The following CLEC10A variants were observed in gnomAD, a reference collection of about 807,000 sequenced individuals.
CLEC10A encodes C-type lectin domain containing 10A.
Under a neutral mutation model 42.0 loss-of-function variants are expected in CLEC10A, and 38 were observed. The observed-to-expected ratio is 0.90, with a 90% CI of 0.70 to 1.18. CLEC10A has a LOEUF of 1.18. Among genes scored for constraint, CLEC10A ranks in the 50% most tolerant of loss-of-function variants. The pLI is 0.00. For synonymous variants in CLEC10A, 126 were observed against 139.9 expected, an observed-to-expected ratio of 0.90 and a Z score of 0.70; for missense variants, 298 against 345.9, an observed-to-expected ratio of 0.86 and a Z score of 1.10.
At position 7,078,054 on chromosome 17, in the gene CLEC10A, G is replaced by A. The variant is rs759265520; in HGVS notation, c.127C>T (p.Leu43=). 6.2e-7 allele frequency: 1 copy of A among 1,614,040 alleles called. No homozygotes were observed. Among genetic ancestry groups the A allele is most frequent in the Admixed American group, 1.7e-5 (1 of 60,026 alleles). ...RLCSGPCHLL[L]SLGLGLLLLV... ...AGCAGGAGGCCGAGGCCCAGGGACAGCAGGAGATGGCAGGGCCCAGAGCAG... is the reference window on the plus strand; with the variant it reads ...AGCAGGAGGCCGAGGCCCAGGGACAACAGGAGATGGCAGGGCCCAGAGCAG... Residue 43 remains leucine (L), a synonymous_variant, in exon 3 of 9, where the codon CTG becomes TTG. Coordinates refer to ENST00000416562, the MANE Select transcript of CLEC10A (RefSeq NM_001330070.2).
rs1298538937 is a variant in CLEC10A, at chr17:7,075,782, G to A, written c.543C>T (p.Tyr181=). Reference sequence around the variant, plus strand: ...CCAGGTGGGCGTTCTTCAGCTGGCAGTACTTCTCAGCCTCGGCCCAGGACA... The same window carrying A: ...CCAGGTGGGCGTTCTTCAGCTGGCAATACTTCTCAGCCTCGGCCCAGGACA... ...SGMSWAEAEK[Y]CQLKNAHLVV... The change falls in exon 7 of 9, where the codon TAC becomes TAT. Residue 181 remains tyrosine, a synonymous_variant. Transcript: ENST00000416562. 1.2e-6 allele frequency: 2 copies of A among 1,614,102 alleles called. No individual in the cohort carries two copies. The highest frequency in any genetic ancestry group is 1.7e-6 in the Non-Finnish European group (2 of 1,180,044).
intron 7 of CLEC10A, 73 bp downstream of exon 7, chr17:7,075,658 A>G: frequency 3.1e-6 from 5 of 1,606,772 alleles, no homozygotes; most frequent in Non-Finnish European, 4.3e-6. Flanking sequence ...GATGATTCCA[A>G]TGTGCGGCCA....
At chr17:7,078,201 G>T in intron 2 of CLEC10A, 88 bp from the exon 3 acceptor site, 1 of 995,010 alleles carries the variant, frequency 1.0e-6, no homozygotes, top group Non-Finnish European at 1.5e-6. Context: ...CTAGTGAGGA[G>T]GGCTGGGCAC....
chr17:7,076,244 C>A lies in CLEC10A; in HGVS notation c.353-173G>T, dbSNP rs550181302. On this transcript the variant is annotated intron_variant, in intron 5 of 8. Coordinates refer to ENST00000416562, the MANE Select transcript of CLEC10A (RefSeq NM_001330070.2). ...ACAGCCATCAAATCTGCTTTGGATT[C>A]CTCTGCCCCTGTTTCTCCAGCCTGC... is the stretch of plus-strand genomic sequence containing the variant. 1.6e-5 allele frequency: 19 copies of A among 1,180,124 alleles called. No homozygotes were observed. The South Asian group carries it at 3.0e-4, about 18-fold the overall frequency. 73.1% of individuals were successfully genotyped at this position (1,180,124 alleles called of 1,614,324 possible). A position where few individuals can be genotyped will look rare whatever the true frequency, so the allele number is the denominator to read the frequency against.
At chr17:7,078,707 A>G (rs1567746863) in intron 2 of CLEC10A, 39 bp downstream of exon 2, 1 of 1,581,988 alleles carries the variant, frequency 6.3e-7, no homozygotes, top group Non-Finnish European at 8.7e-7. Context: ...CTAAACATAT[A>G]AAGAGGGCAT....
At chr17:7,076,307 CT>C (rs1206807036) in intron 5 of CLEC10A, among the ~76,000 whole-genome samples, 4,056 of 120,912 alleles carry the variant, frequency 0.034, 69 homozygotes, top group African/African-American at 0.054. Flanking sequence ...TTCTTTCTTT[CT>C]TTTTTTTTTT....
At chr17:7,076,687 G>A (rs774161755) in intron 5 of CLEC10A, 46 bp downstream of exon 5, 3 of 1,599,032 alleles carry the variant, frequency 1.9e-6, no homozygotes, top group South Asian at 2.2e-5. Context: ...CCTCCACTGT[G>A]TCTGAGCGCC....
intron 5 of CLEC10A, 85 bp from the exon 6 acceptor site, chr17:7,076,156 C>T (rs764416710): frequency 1.2e-6 from 2 of 1,613,536 alleles, no homozygotes; most frequent in Non-Finnish European, 1.7e-6. Flanking sequence ...GATACCCCTG[C>T]ACAGGGCCAA....
intron 5 of CLEC10A, 27 bp downstream of exon 5, chr17:7,076,706 C>G (rs373739789): frequency 5.0e-5 from 81 of 1,612,550 alleles, no homozygotes; most frequent in Non-Finnish European, 6.5e-5. Context: ...CCTAGCCCCC[C>G]ACACCCATAC....
rs115342941 is a variant in CLEC10A at position 7,078,901 on chromosome 17, T to A, written c.-73-16A>T. ...TGGGGTGGAGCTGGGGAATAGGAGG[T>A]TGGGACTAAGTTGGAGCCAAGGGCA... On this transcript the variant is annotated splice_polypyrimidine_tract_variant and intron_variant, in intron 1 of 8. Transcript: ENST00000416562. 2 of 1,277,978 alleles carry A rather than the reference T, an allele frequency of 1.6e-6. No homozygotes were observed. The highest frequency in any genetic ancestry group is 1.7e-5 in the Admixed American group (1 of 59,316). The allele number at this position is 1,277,978 out of a possible 1,614,324, so 79.2% of individuals were successfully genotyped here. A position where few individuals can be genotyped will look rare whatever the true frequency, so the allele number is the denominator to read the frequency against.
chr17:7,077,326 A>G (rs72837617), intron 3 of CLEC10A, among the ~76,000 whole-genome samples: 635 of 79,624 alleles, frequency 8.0e-3, no homozygotes, highest in African/African-American at 0.028. Flanking sequence ...CCCCATCACC[A>G]TTCCCATCAA....
At chr17:7,079,671 CAA>C (rs1322884604) in intron 1 of CLEC10A, among the ~76,000 whole-genome samples, 1 of 152,114 alleles carries the variant, frequency 6.6e-6, no homozygotes, top group African/African-American at 2.4e-5. Context: ...AATGGGCCAC[CAA>C]TGAGGCTGAG....
Position 7,076,821 on chromosome 17 carries a change from C to T in CLEC10A, c.281-17G>A. ...AGCTGCTGCCTGGAGGACACGGAGA[C>T]TTGGCTTAGGGGTCAACTTCCTCCT... On this transcript the variant is annotated splice_polypyrimidine_tract_variant and intron_variant, in intron 4 of 8. Coordinates refer to ENST00000416562, the MANE Select transcript of CLEC10A (RefSeq NM_001330070.2). 6.2e-7 allele frequency: 1 copy of T among 1,613,994 alleles called. No homozygotes were observed. The highest frequency in any genetic ancestry group is 8.5e-7 in the Non-Finnish European group (1 of 1,179,986).
intron 2 of CLEC10A, 58 bp downstream of exon 2, chr17:7,078,688 G>T: frequency 6.5e-7 from 1 of 1,536,240 alleles, no homozygotes; most frequent in Non-Finnish European, 9.0e-7. Flanking sequence ...AATGATAGGA[G>T]AAATCCTTCT....
intron 1 of CLEC10A, among the ~76,000 whole-genome samples, 185 bp downstream of exon 1, chr17:7,079,867 C>T (rs140802284): frequency 3.4e-3 from 517 of 151,970 alleles, no homozygotes; most frequent in African/African-American, 0.012. Context: ...TTGTGGCTGC[C>T]GTAACCCAAT....
chr17:7,075,028 G>A lies in CLEC10A; in HGVS notation c.*26C>T, dbSNP rs371803977. On this transcript the variant is annotated 3_prime_UTR_variant, in exon 9 of 9. Transcript: ENST00000416562. ...GTCCTCCTCCCACCGCCATTTCTGT[G>A]GCCGGGTGGTCCCACCAAAGGCAGC... is the stretch of plus-strand genomic sequence containing the variant. 2.5e-4 allele frequency: 380 copies of A among 1,521,626 alleles called. No individual in the cohort carries two copies. Among genetic ancestry groups the A allele is most frequent in the Non-Finnish European group, 3.2e-4 (368 of 1,139,250 alleles). 94.3% of individuals were successfully genotyped at this position (1,521,626 alleles called of 1,614,324 possible).
intron 2 of CLEC10A, chr17:7,078,395 A>G: frequency 2.0e-6 from 1 of 504,928 alleles, no homozygotes; most frequent in Admixed American, 3.2e-5. Context: ...GGACACAGGG[A>G]GAGCTGGGGG....
Position 7,078,862 on chromosome 17 carries a change from G to A in CLEC10A, c.-50C>T, listed in dbSNP as rs765165355. 6.3e-7 allele frequency: 1 copy of A among 1,585,960 alleles called. No individual in the cohort carries two copies. The highest frequency in any genetic ancestry group is 2.2e-5 in the East Asian group (1 of 44,754). ...TTGTCACAGCTGAAATGGAGGCAGG[G>A]CCGGCGCCCAGTCTGGGGTGGAGCT... On this transcript the variant is annotated 5_prime_UTR_variant, in exon 2 of 9. Coordinates refer to ENST00000416562, the MANE Select transcript of CLEC10A (RefSeq NM_001330070.2).
chr17:7,077,585 G>C (rs75695010), intron 3 of CLEC10A, among the ~76,000 whole-genome samples: 126 of 40,294 alleles, frequency 3.1e-3, no homozygotes, highest in Non-Finnish European at 3.7e-3. Flanking sequence ...TCCCATCAAT[G>C]ACTCCATCAG....
Sources: allele counts gnomAD v4.1 joint callset (sites outside exome capture counted in the v4.1 genomes callset), GRCh38; gene constraint gnomAD v4.1.1; transcripts MANE v1.5; gene names NCBI Gene and HGNC (gene_info 2026-07-23, HGNC 2026-07-21).